The following LARP4B variants were observed in gnomAD, a reference collection of about 807,000 sequenced individuals.
LARP4B encodes the protein La ribonucleoprotein 4B.
LARP4B carries 12 observed loss-of-function variants against 89.8 expected under a neutral mutation model. The ratio of observed to expected loss-of-function variants is 0.13; its 90% CI spans 0.09 to 0.22. The LOEUF (loss-of-function observed/expected upper bound fraction) is 0.22. LARP4B is among the 10% of genes least tolerant of loss of function. The probability of loss-of-function intolerance (pLI) is 1.00; values close to 1 mark genes in which losing one functional copy is unlikely to be tolerated. For synonymous variants in LARP4B, 367 were observed against 363.3 expected, an observed-to-expected ratio of 1.01 and a Z score of -0.12; for missense variants, 757 against 947.7, an observed-to-expected ratio of 0.80 and a Z score of 2.64.
intron 1 of LARP4B, among the ~76,000 whole-genome samples, chr10:907,545 G>T (rs553413448): frequency 6.6e-6 from 1 of 152,278 alleles, no homozygotes; most frequent in Admixed American, 6.5e-5. Flanking sequence ...AATTTTTATT[G>T]TATTATCAAA....
At position 822,681 on chromosome 10, in the gene LARP4B, G is replaced by A. The variant is rs1266214340; in HGVS notation, c.1485-1836C>T. Among the ~76,000 whole-genome samples the A allele has an allele frequency of 6.6e-6, 1 of 152,212 alleles. No individual in the cohort carries two copies. ...TCACAAGGGGTAGCAAGGGACCCAG[G>A]GTGGTCCCAGCACCATAGAGGAAAC... is the stretch of plus-strand genomic sequence containing the variant. On this transcript the variant is annotated intron_variant, in intron 13 of 17. Transcript: ENST00000316157. This position sits in a 1 kb window ranked among gnomAD's most constrained non-coding sequence, Gnocchi z 4.6.
At chr10:870,515 T>A (rs1835148157) in intron 3 of LARP4B, among the ~76,000 whole-genome samples, 2 of 152,150 alleles carry the variant, frequency 1.3e-5, no homozygotes, top group South Asian at 4.1e-4. Context: ...ACTGGGAGTG[T>A]CACGTGACTC....
Position 825,306 on chromosome 10 carries a change from T to G in LARP4B, c.1243A>C (p.Lys415Gln). 1 of 1,613,480 alleles carries G rather than the reference T, an allele frequency of 6.2e-7. No homozygotes were observed. Among genetic ancestry groups the G allele is most frequent in the East Asian group, 2.2e-5 (1 of 44,880 alleles). Residue 415 changes from lysine to glutamine, a missense_variant, in exon 13 of 18, where the codon AAA becomes CAA. By Grantham distance (53) the Lys-to-Gln change is moderately conservative. This residue lies in a region of LARP4B where 387 missense variants were observed against 423.6 expected (regional missense o/e 0.91). Coordinates refer to ENST00000316157, the MANE Select transcript of LARP4B (RefSeq NM_015155.3). ...GGAATCGCATGCCGCAGATGAGATT[T>G]ACTAGGATTCCTGTAAATAAAAATG... is the stretch of plus-strand genomic sequence containing the variant. ...QYPPRSRNPS[K>Q]SHLRHAIPSA... is the part of the protein sequence containing the mutation.
chr10:943,004 T>A, the LARP4B span, among the ~76,000 whole-genome samples: 4 of 150,354 alleles, frequency 2.7e-5, no homozygotes, highest in African/African-American at 9.8e-5. Flanking sequence ...TGGAGTGCAG[T>A]GGCATGGTCT....
downstream of LARP4B, chr10:808,740 T>TGC (rs1250999134): frequency 3.5e-5 from 5 of 142,110 alleles, no homozygotes; most frequent in African/African-American, 1.0e-4. Context: ...TGTGTGTGTG[T>TGC]GCGTGTGCAC....
chr10:832,172 T>C (rs1832940527), intron 8 of LARP4B, among the ~76,000 whole-genome samples: 1 of 152,108 alleles, frequency 6.6e-6, no homozygotes, highest in Non-Finnish European at 1.5e-5. Flanking sequence ...GCCTCCCAAG[T>C]AGCTGGGACT....
the LARP4B span, among the ~76,000 whole-genome samples, chr10:970,816 T>G: frequency 6.6e-6 from 1 of 151,986 alleles, no homozygotes; most frequent in East Asian, 1.9e-4. Context: ...CCAGAGGGAT[T>G]AGGGGCAAAG....
At chr10:842,852 G>A (rs1487147329) in intron 7 of LARP4B, 80 bp downstream of exon 7, 2 of 1,320,694 alleles carry the variant, frequency 1.5e-6, no homozygotes, top group South Asian at 1.3e-5. Context: ...ACGTTTGATG[G>A]CTATAGATTT....
chr10:927,057 T>A (rs1302801667), intron 1 of LARP4B, among the ~76,000 whole-genome samples: 7 of 147,366 alleles, frequency 4.8e-5, no homozygotes, highest in African/African-American at 1.5e-4. Context: ...AAAAAAAAAA[T>A]TGTGTTAAAC....
chr10:986,492 A>T, the LARP4B span: 2 of 152,250 alleles, frequency 1.3e-5, no homozygotes, highest in African/African-American at 4.8e-5. Flanking sequence ...ACTTGCCCCC[A>T]AGAAGCTATA....
chr10:825,393 T>G, intron 12 of LARP4B, 77 bp from the exon 13 acceptor site: 4 of 1,419,164 alleles, frequency 2.8e-6, no homozygotes, highest in Non-Finnish European at 3.9e-6. Context: ...TGACATGGAA[T>G]AGCTAAGCTG....
chr10:838,843 AAAACTT>A (rs1441041682), intron 7 of LARP4B, among the ~76,000 whole-genome samples: 11 of 152,242 alleles, frequency 7.2e-5, no homozygotes, highest in African/African-American at 2.7e-4. Context: ...CATAACTGCC[AAAACTT>A]GGAAGTAATC....
At chr10:915,844 A>T (rs944641648) in intron 1 of LARP4B, among the ~76,000 whole-genome samples, 2 of 152,084 alleles carry the variant, frequency 1.3e-5, no homozygotes, top group African/African-American at 4.8e-5. Context: ...AAAAAAAAAA[A>T]AAAAAAGGTT....
chr10:894,322 T>G (rs1317994552), intron 1 of LARP4B, among the ~76,000 whole-genome samples: 3 of 152,228 alleles, frequency 2.0e-5, no homozygotes, highest in Admixed American at 1.3e-4. Context: ...GGGAAATACA[T>G]GTTAAATCAC....
chr10:968,451 C>G, the LARP4B span, among the ~76,000 whole-genome samples: 1 of 152,100 alleles, frequency 6.6e-6, no homozygotes, highest in Admixed American at 6.6e-5. Context: ...TCCCTCATTC[C>G]ACGGCCTTCC....
At chr10:807,890 T>C (rs1831611583), downstream of LARP4B, 1 of 152,286 alleles carries the variant, frequency 6.6e-6, no homozygotes, top group African/African-American at 2.4e-5. Flanking sequence ...CCACACACCT[T>C]CGTCTAAGCA....
chr10:854,892 G>A (rs1422011908), intron 5 of LARP4B, among the ~76,000 whole-genome samples: 1 of 152,096 alleles, frequency 6.6e-6, no homozygotes, highest in Non-Finnish European at 1.5e-5. Context: ...ATTTTGTCTC[G>A]ATTGAAAATC....
At chr10:900,135 C>T (rs1393720069) in intron 1 of LARP4B, among the ~76,000 whole-genome samples, 1 of 152,042 alleles carries the variant, frequency 6.6e-6, no homozygotes, top group African/African-American at 2.4e-5. Context: ...CATCTGAGGT[C>T]AGGAGTTTGA....
At chr10:954,128 C>G in the LARP4B span, among the ~76,000 whole-genome samples, 1 of 152,240 alleles carries the variant, frequency 6.6e-6, no homozygotes, top group African/African-American at 2.4e-5. The surrounding 1 kb of genome is among the most constrained non-coding windows in gnomAD (Gnocchi z 5.0). Flanking sequence ...CAGGCTGGAT[C>G]TCCGTGGCCT....
Sources: allele counts gnomAD v4.1 joint callset (sites outside exome capture counted in the v4.1 genomes callset), GRCh38; gene constraint gnomAD v4.1.1; regional missense constraint gnomAD v4.1.1; non-coding constraint Gnocchi (gnomAD v3.1); transcripts MANE v1.5; gene names NCBI Gene and HGNC (gene_info 2026-07-23, HGNC 2026-07-21).